AHCYL2: variants seen among roughly 807,000 people sequenced by gnomAD.
AHCYL2 encodes the protein S-adenosylhomocysteine hydrolase-like protein 2.
A neutral mutation model predicts 81.4 loss-of-function variants in AHCYL2; 28 were observed. That is an observed-to-expected ratio of 0.34 (90% CI 0.25 to 0.47). The LOEUF is 0.47. AHCYL2 is among the 20% of genes least tolerant of loss of function. The probability of loss-of-function intolerance (pLI) is 1.00; values close to 1 mark genes in which losing one functional copy is unlikely to be tolerated. For missense variants in AHCYL2, 551 were observed against 785.1 expected, an observed-to-expected ratio of 0.70 and a Z score of 3.56; for synonymous variants, 272 against 290.2, an observed-to-expected ratio of 0.94 and a Z score of 0.64.
intron 2 of AHCYL2, among the ~76,000 whole-genome samples, chr7:129,380,051 T>C (rs551660856): frequency 6.6e-6 from 1 of 152,126 alleles, no homozygotes; most frequent in South Asian, 2.1e-4. Flanking sequence ...CGGAACAGTA[T>C]GTGTATATAC....
chr7:129,291,809 G>A (rs1369532349), intron 1 of AHCYL2, among the ~76,000 whole-genome samples: 2 of 151,742 alleles, frequency 1.3e-5, no homozygotes, highest in African/African-American at 4.8e-5. Context: ...GTTTCACCGT[G>A]TTAGCCAGGA....
At chr7:129,372,104 G>T (rs1794439508) in intron 1 of AHCYL2, among the ~76,000 whole-genome samples, 1 of 152,018 alleles carries the variant, frequency 6.6e-6, no homozygotes. Flanking sequence ...TGTTGTAGGG[G>T]GTTCTAGACA....
chr7:129,324,539 G>A (rs1798150297), intron 1 of AHCYL2, among the ~76,000 whole-genome samples: 1 of 152,004 alleles, frequency 6.6e-6, no homozygotes, highest in Non-Finnish European at 1.5e-5. Context: ...GTTTTGAGAT[G>A]GAGTCTTGCT....
intron 4 of AHCYL2, among the ~76,000 whole-genome samples, chr7:129,394,660 G>A (rs1250623960): frequency 6.6e-6 from 1 of 151,946 alleles, no homozygotes; most frequent in Non-Finnish European, 1.5e-5. Context: ...GGTCAGGCTG[G>A]TCTCAAACTC....
intron 1 of AHCYL2, among the ~76,000 whole-genome samples, chr7:129,355,493 G>A (rs563514289): frequency 1.3e-5 from 2 of 152,254 alleles, no homozygotes; most frequent in South Asian, 2.1e-4. Flanking sequence ...GCACCTAACC[G>A]TGTATTTTTC....
At chr7:129,413,167 A>G (rs1796676806) in intron 11 of AHCYL2, among the ~76,000 whole-genome samples, 2 of 121,550 alleles carry the variant, frequency 1.6e-5, no homozygotes, top group African/African-American at 3.3e-5. Context: ...TTTGAGAAAG[A>G]GTCTTGCTCT....
chr7:129,266,024 T>C (rs1795800568), intron 1 of AHCYL2, among the ~76,000 whole-genome samples: 1 of 152,176 alleles, frequency 6.6e-6, no homozygotes, highest in South Asian at 2.1e-4. Flanking sequence ...ATAAAAACAA[T>C]AGGGAGAAGT....
At chr7:129,351,189 TG>T (rs1199868439) in intron 1 of AHCYL2, among the ~76,000 whole-genome samples, 1 of 152,228 alleles carries the variant, frequency 6.6e-6, no homozygotes. Context: ...TACTTATTTT[TG>T]GTGTTTCCGC....
At chr7:129,299,385 T>G (rs1391394034) in intron 1 of AHCYL2, among the ~76,000 whole-genome samples, 25 of 44,568 alleles carry the variant, frequency 5.6e-4, no homozygotes, top group Non-Finnish European at 8.7e-4. Context: ...TTTTTTTTTT[T>G]TTTTTTTTTT....
chr7:129,236,662 C>T (rs73721566), intron 1 of AHCYL2, among the ~76,000 whole-genome samples: 4 of 152,176 alleles, frequency 2.6e-5, no homozygotes, highest in Non-Finnish European at 5.9e-5. Context: ...GCCATGTTGT[C>T]TTTAAAAATG....
Position 129,368,519 on chromosome 7 carries a change from G to A in AHCYL2, c.364-11119G>A. On this transcript the variant is annotated intron_variant, in intron 1 of 16. Transcript: ENST00000325006. The surrounding 1 kb of genome is among the most constrained non-coding windows in gnomAD (Gnocchi z 4.4). ...TATGGAGAAGTGGGACGGTAATGAG[G>A]GCACCTCAGCTTTTCACATGCCTGA... 6.2e-7 allele frequency: 1 copy of A among 1,613,974 alleles called. No individual in the cohort carries two copies. Among genetic ancestry groups the A allele is most frequent in the Non-Finnish European group, 8.5e-7 (1 of 1,179,876 alleles).
intron 1 of AHCYL2, among the ~76,000 whole-genome samples, chr7:129,312,273 A>G (rs1003687044): frequency 1.3e-5 from 2 of 152,200 alleles, no homozygotes; most frequent in Non-Finnish European, 2.9e-5. Flanking sequence ...TTTTGTAGAT[A>G]CAGGGTCTCC....
intron 1 of AHCYL2, among the ~76,000 whole-genome samples, chr7:129,323,317 T>C (rs1457171193): frequency 6.6e-6 from 1 of 152,184 alleles, no homozygotes; most frequent in Non-Finnish European, 1.5e-5. Flanking sequence ...TTCCTTTTAC[T>C]CCTGGGTAAT....
At chr7:129,376,971 A>G (rs150444581) in intron 1 of AHCYL2, among the ~76,000 whole-genome samples, 2,376 of 152,316 alleles carry the variant, frequency 0.016, 61 homozygotes, top group African/African-American at 0.053. Flanking sequence ...TGCCCTTAAA[A>G]ATCATTTTAA....
chr7:129,262,043 A>T (rs1000247059), intron 1 of AHCYL2, among the ~76,000 whole-genome samples: 18 of 152,036 alleles, frequency 1.2e-4, no homozygotes, highest in African/African-American at 4.4e-4. Context: ...CACTGAAAAA[A>T]GACTATATGT....
chr7:129,283,651 G>A (rs1796527281), intron 1 of AHCYL2, among the ~76,000 whole-genome samples: 2 of 151,660 alleles, frequency 1.3e-5, no homozygotes, highest in Non-Finnish European at 1.5e-5. Context: ...GTGTTTTTTG[G>A]TATTTGCTTG....
At chr7:129,377,462 G>C in intron 1 of AHCYL2, 1 of 449,930 alleles carries the variant, frequency 2.2e-6, no homozygotes, top group Non-Finnish European at 4.5e-6. Flanking sequence ...CCCCCTAAAA[G>C]GCAATGTGAA....
At chr7:129,246,723 C>A (rs1410983114) in intron 1 of AHCYL2, among the ~76,000 whole-genome samples, 1 of 152,106 alleles carries the variant, frequency 6.6e-6, no homozygotes, top group Non-Finnish European at 1.5e-5. Context: ...TCTCAAACTC[C>A]TGGGCTCAAG....
chr7:129,305,188 A>G (rs909338605), intron 1 of AHCYL2, among the ~76,000 whole-genome samples: 1 of 152,184 alleles, frequency 6.6e-6, no homozygotes, highest in Non-Finnish European at 1.5e-5. Flanking sequence ...TAGGCCGGGC[A>G]TGGTGGCTCA....
Sources: allele counts gnomAD v4.1 joint callset (sites outside exome capture counted in the v4.1 genomes callset), GRCh38; gene constraint gnomAD v4.1.1; non-coding constraint Gnocchi (gnomAD v3.1); transcripts MANE v1.5; gene names NCBI Gene and HGNC (gene_info 2026-07-23, HGNC 2026-07-21).